Variants in CLSTN2 observed in about 807,000 individuals in gnomAD.
CLSTN2 encodes the protein calsyntenin-2.
A neutral mutation model predicts 101.2 loss-of-function variants in CLSTN2; 48 were observed. The ratio of observed to expected loss-of-function variants is 0.47; its 90% CI spans 0.38 to 0.60. The LOEUF (loss-of-function observed/expected upper bound fraction) is 0.60. CLSTN2 is among the 20% of genes least tolerant of loss of function. The pLI is 0.00. For missense variants in CLSTN2, 1,160 were observed against 1,238.2 expected (o/e 0.94, Z 0.95); for synonymous variants, 481 against 463.6 (o/e 1.04, Z -0.48).
chr3:140,042,290 A>G (rs2007775873), intron 1 of CLSTN2, among the ~76,000 whole-genome samples: 2 of 152,138 alleles, frequency 1.3e-5, no homozygotes, highest in South Asian at 4.1e-4. Flanking sequence ...CTGCACAGTT[A>G]TCCATATTGA....
chr3:140,421,425 C>G (rs2088504941), intron 5 of CLSTN2, 151 bp downstream of exon 5: 1 of 930,684 alleles, frequency 1.1e-6, no homozygotes. Flanking sequence ...TCTCACAACT[C>G]TTAGGTGATA....
chr3:140,027,576 C>T (rs2007447322), intron 1 of CLSTN2, among the ~76,000 whole-genome samples: 1 of 152,128 alleles, frequency 6.6e-6, no homozygotes, highest in African/African-American at 2.4e-5. Context: ...GTTACTGCAG[C>T]CCATAAAAAC....
At chr3:140,469,428 C>A (rs113764264) in intron 8 of CLSTN2, among the ~76,000 whole-genome samples, 1 of 152,170 alleles carries the variant, frequency 6.6e-6, no homozygotes, top group Non-Finnish European at 1.5e-5. Flanking sequence ...ACCCCTCTTT[C>A]TCCTTACTCA....
intron 2 of CLSTN2, among the ~76,000 whole-genome samples, chr3:140,397,311 G>A (rs759782261): frequency 6.6e-6 from 1 of 152,142 alleles, no homozygotes; most frequent in Non-Finnish European, 1.5e-5. Context: ...TGGAAAGGAA[G>A]TGGTATTTTA....
intron 2 of CLSTN2, among the ~76,000 whole-genome samples, chr3:140,337,776 C>T (rs984150607): frequency 3.9e-5 from 6 of 152,198 alleles, no homozygotes; most frequent in Admixed American, 3.3e-4. Flanking sequence ...TGAGACTCCA[C>T]CAGCTGATTA....
At chr3:140,399,057 G>A (rs1481711235) in intron 2 of CLSTN2, among the ~76,000 whole-genome samples, 1 of 152,232 alleles carries the variant, frequency 6.6e-6, no homozygotes, top group Admixed American at 6.5e-5. Flanking sequence ...GAGCCTGGTG[G>A]CCTGGTGCTG....
chr3:140,458,510 C>T (rs1026175228), intron 6 of CLSTN2, among the ~76,000 whole-genome samples: 5 of 152,036 alleles, frequency 3.3e-5, no homozygotes, highest in South Asian at 2.1e-4. Flanking sequence ...GGAGAGTCAG[C>T]GGAGGCCCCA....
chr3:140,552,377 C>A (rs181281379), intron 10 of CLSTN2, among the ~76,000 whole-genome samples: 1 of 148,006 alleles, frequency 6.8e-6, no homozygotes, highest in African/African-American at 2.5e-5. Flanking sequence ...GAAACCCACC[C>A]ACAGAGCTGG....
At chr3:140,032,364 T>TCTTC (rs2007571763) in intron 1 of CLSTN2, among the ~76,000 whole-genome samples, 2 of 143,930 alleles carry the variant, frequency 1.4e-5, no homozygotes, top group African/African-American at 2.6e-5. Context: ...AGACGGAGTC[T>TCTTC]CACTCTTGTT....
chr3:140,039,821 GTATT>G (rs1394933797), intron 1 of CLSTN2, among the ~76,000 whole-genome samples: 1 of 152,048 alleles, frequency 6.6e-6, no homozygotes, highest in Admixed American at 6.6e-5. Context: ...ATATTACAAA[GTATT>G]TAACTTATTA....
chr3:140,140,128 A>G (rs1357847966), intron 1 of CLSTN2, among the ~76,000 whole-genome samples: 1 of 152,188 alleles, frequency 6.6e-6, no homozygotes, highest in Non-Finnish European at 1.5e-5. Flanking sequence ...GCAAGTTTCC[A>G]GGTGATGCTG....
chr3:140,354,714 G>T (rs2087649450), intron 2 of CLSTN2, among the ~76,000 whole-genome samples: 1 of 152,148 alleles, frequency 6.6e-6, no homozygotes, highest in African/African-American at 2.4e-5. Context: ...CTTGGTCCAT[G>T]GTTAGTGGGA....
At chr3:139,959,693 T>C (rs534365723) in intron 1 of CLSTN2, among the ~76,000 whole-genome samples, 15 of 152,284 alleles carry the variant, frequency 9.9e-5, no homozygotes, top group Non-Finnish European at 1.6e-4. Flanking sequence ...CTCTAAACTA[T>C]TGGGTTCTGT....
intron 1 of CLSTN2, among the ~76,000 whole-genome samples, chr3:140,023,632 C>T (rs1049690184): frequency 7.9e-5 from 12 of 152,230 alleles, no homozygotes; most frequent in African/African-American, 2.9e-4. Flanking sequence ...TGCTCTGTGT[C>T]CCCAGCACAC....
intron 1 of CLSTN2, among the ~76,000 whole-genome samples, chr3:140,009,529 A>C (rs10513093): frequency 6.6e-6 from 1 of 152,266 alleles, no homozygotes; most frequent in African/African-American, 2.4e-5. Flanking sequence ...TACTCAATAC[A>C]TGGAATCATC....
chr3:140,558,412 T>C (rs560122867), intron 11 of CLSTN2, among the ~76,000 whole-genome samples: 168 of 152,366 alleles, frequency 1.1e-3, no homozygotes, highest in African/African-American at 3.2e-3. Flanking sequence ...GTTGCTCATA[T>C]AGAAAATTCC....
chr3:139,972,155 T>C (rs961323248), intron 1 of CLSTN2, among the ~76,000 whole-genome samples: 20 of 152,000 alleles, frequency 1.3e-4, no homozygotes, highest in Non-Finnish European at 2.8e-4. Context: ...TCCCAGCTAC[T>C]TGGGAGGCTG....
intron 2 of CLSTN2, among the ~76,000 whole-genome samples, chr3:140,280,879 AC>A (rs552831143): frequency 6.6e-5 from 10 of 152,146 alleles, no homozygotes; most frequent in Non-Finnish European, 1.5e-4. Context: ...ACTAAATTGG[AC>A]CTGGGATGGC....
intron 2 of CLSTN2, among the ~76,000 whole-genome samples, chr3:140,319,289 C>A (rs2087259527): frequency 6.6e-6 from 1 of 152,136 alleles, no homozygotes. Flanking sequence ...GTCTCCCTGT[C>A]CCTCTGCTCA....
Sources: gnomAD v4.1 joint callset for allele counts (sites outside exome capture counted in the v4.1 genomes callset) on GRCh38, gnomAD v4.1.1 for gene constraint, MANE v1.5 for transcripts, NCBI Gene and HGNC (gene_info 2026-07-23, HGNC 2026-07-21) for gene names.